PRKDC: variants seen among roughly 807,000 people sequenced by gnomAD.
The protein encoded by PRKDC is DNA-dependent protein kinase catalytic subunit.
In PRKDC, 82 loss-of-function variants were observed where a neutral mutation model predicts 486.9. The ratio of observed to expected loss-of-function variants is 0.17; its 90% CI spans 0.14 to 0.20. The LOEUF is 0.20. Among genes scored for constraint, PRKDC ranks in the 10% least tolerant of loss-of-function variants. The probability of loss-of-function intolerance (pLI) is 1.00; values close to 1 mark genes in which losing one functional copy is unlikely to be tolerated. For missense variants in PRKDC, 4,504 were observed against 5,038.2 expected (o/e 0.89, Z 3.21); for synonymous variants, 1,895 against 1,837.0 (o/e 1.03, Z -0.81).
chr8:47,791,028 C>T (rs1417759358), intron 74 of PRKDC, among the ~76,000 whole-genome samples: 1 of 152,170 alleles, frequency 6.6e-6, no homozygotes, highest in Non-Finnish European at 1.5e-5. Flanking sequence ...TTCAGTAATA[C>T]CCCACAGGCA....
intron 85 of PRKDC, 37 bp downstream of exon 85, chr8:47,776,807 G>C (rs777781897): frequency 2.5e-6 from 4 of 1,610,620 alleles, no homozygotes; most frequent in Admixed American, 3.4e-5. Flanking sequence ...TAGCATGTCG[G>C]TAGTCCGTTA....
chr8:47,887,469 A>G, intron 35 of PRKDC, 78 bp downstream of exon 35: 1 of 1,308,452 alleles, frequency 7.6e-7, no homozygotes, highest in African/African-American at 1.5e-5. Context: ...CAAATTCCAC[A>G]GTTTCTAGAG....
intron 21 of PRKDC, 60 bp downstream of exon 21, chr8:47,927,134 T>C: frequency 1.3e-6 from 2 of 1,518,428 alleles, no homozygotes; most frequent in East Asian, 2.3e-5. Flanking sequence ...GTCCTACCTA[T>C]TATAGTTACT....
At chr8:47,899,968 C>T (rs1038506548) in intron 28 of PRKDC, among the ~76,000 whole-genome samples, 1 of 152,226 alleles carries the variant, frequency 6.6e-6, no homozygotes, top group Non-Finnish European at 1.5e-5. Context: ...CCACTTTCTA[C>T]TTTCTAAATG....
intron 14 of PRKDC, 41 bp downstream of exon 14, chr8:47,934,968 G>T: frequency 7.1e-7 from 1 of 1,415,780 alleles, no homozygotes. Flanking sequence ...AGCTTTCAGT[G>T]ATAACAGATT....
At chr8:47,951,720 AAAAGG>A (rs1217153758) in intron 7 of PRKDC, among the ~76,000 whole-genome samples, 1 of 70,470 alleles carries the variant, frequency 1.4e-5, no homozygotes, top group Admixed American at 1.3e-4. Flanking sequence ...TCTCCAAAAA[AAAAGG>A]AAAGAAAGAA....
chr8:47,879,536 A>G lies in PRKDC; in HGVS notation c.5190T>C (p.Pro1730=), dbSNP rs2154501396. Residue 1730 remains proline (P), a synonymous_variant, in exon 39 of 86, where the codon CCT becomes CCC. Coordinates refer to ENST00000314191, the MANE Select transcript of PRKDC (RefSeq NM_006904.7). ...AATTATTGAACCGCGGAGTTCCTGG[A>G]GGAAATTCCCTGGACTGCATGGGGA... ...AHFPMQSREF[P]PGTPRFNNYV... 6.3e-7 allele frequency: 1 copy of G among 1,598,938 alleles called. No homozygotes were observed. The highest frequency in any genetic ancestry group is 1.1e-5 in the South Asian group (1 of 88,142).
At chr8:47,865,545 CTA>C (rs1348878485) in intron 40 of PRKDC, among the ~76,000 whole-genome samples, 1 of 152,014 alleles carries the variant, frequency 6.6e-6, no homozygotes, top group Non-Finnish European at 1.5e-5. Flanking sequence ...AAAGTTTTGT[CTA>C]TAAATCTATA....
chr8:47,798,442 ATATCCATAAAC>A, intron 72 of PRKDC, 45 bp from the exon 73 acceptor site: 2 of 1,505,044 alleles, frequency 1.3e-6, no homozygotes, highest in Non-Finnish European at 1.8e-6. Context: ...ATGTATCCCA[ATATCCATAAAC>A]TATGATGTTA....
In PRKDC at chr8:47,777,772, G is replaced by A. The variant is rs2086630732; in HGVS notation, c.11956C>T (p.His3986Tyr). 4 of 1,613,946 alleles carry A rather than the reference G, an allele frequency of 2.5e-6. 1 individual carries two copies. The Middle Eastern group carries it at 4.9e-4, about 200-fold the overall frequency. ...ETGLMYSIMV[H>Y]ALRAFRSDPG... ...TCTGAGCGGAAGGCCCGGAGTGCGTGTACCATGATGCTGTACATAAGGCCC... is the reference window on the plus strand; with the variant it reads ...TCTGAGCGGAAGGCCCGGAGTGCGTATACCATGATGCTGTACATAAGGCCC... Residue 3986 changes from histidine to tyrosine, a missense_variant, in exon 84 of 86, where the codon CAC (histidine) becomes TAC (tyrosine). Physicochemically the swap from His to Tyr is moderately conservative, Grantham distance 83. This residue lies in a region of PRKDC where 706 missense variants were observed against 945.0 expected (regional missense o/e 0.75). Transcript: ENST00000314191.
At chr8:47,863,357 A>G in intron 42 of PRKDC, 42 bp downstream of exon 42, 1 of 1,464,850 alleles carries the variant, frequency 6.8e-7, no homozygotes, top group East Asian at 2.3e-5. Context: ...TACCCAAAGC[A>G]TTGATAAATA....
intron 1 of PRKDC, 99 bp downstream of exon 1, chr8:47,959,874 A>G: frequency 6.8e-7 from 1 of 1,473,640 alleles, no homozygotes; most frequent in Non-Finnish European, 9.0e-7. Context: ...GTACTTCAAA[A>G]TACCGTCATC....
At chr8:47,800,093 C>T (rs2087069039) in intron 71 of PRKDC, among the ~76,000 whole-genome samples, 1 of 151,928 alleles carries the variant, frequency 6.6e-6, no homozygotes, top group Non-Finnish European at 1.5e-5. Flanking sequence ...GCTGTGCGTG[C>T]CATCCCATTA....
At position 47,877,710 on chromosome 8, in the gene PRKDC, C is replaced by G; in HGVS notation, c.5363+14G>C. On this transcript the variant is annotated intron_variant, in intron 40 of 85. Coordinates refer to ENST00000314191, the MANE Select transcript of PRKDC (RefSeq NM_006904.7). ...TGCGTATGGTTCCTGAGATCCCAGG[C>G]CAGAATGACTTACCTTCTGGCAATC... The G allele has an allele frequency of 6.4e-7, 1 of 1,569,012 alleles. No individual in the cohort carries two copies. Among genetic ancestry groups the G allele is most frequent in the South Asian group, 1.2e-5 (1 of 82,238 alleles).
intron 14 of PRKDC, 114 bp downstream of exon 14, chr8:47,934,895 A>T: frequency 1.4e-6 from 1 of 724,888 alleles, no homozygotes; most frequent in Non-Finnish European, 2.3e-6. Context: ...AGGCATTGCT[A>T]ATAACTAAGA....
chr8:47,942,339 A>C (rs368493101), intron 10 of PRKDC, among the ~76,000 whole-genome samples: 1 of 152,354 alleles, frequency 6.6e-6, no homozygotes, highest in East Asian at 1.9e-4. Context: ...GGGAAGGCCA[A>C]GTACAGCAGG....
At position 47,834,299 on chromosome 8, in the gene PRKDC, C is replaced by T. The variant is rs2087956090; in HGVS notation, c.8049G>A (p.Lys2683=). ...GTGCTCTCTGTAACCTTTCACTCCT[C>T]TTGTGGGCAAACAGCAAGGAGTCAG... ...PSSDSLLFAH[K]RSERLQRAPL... is the part of the protein sequence containing the mutation. Residue 2683 remains lysine (K), a synonymous_variant, in exon 59 of 86, where the codon AAG becomes AAA. Coordinates refer to ENST00000314191, the MANE Select transcript of PRKDC (RefSeq NM_006904.7). 6.2e-7 allele frequency: 1 copy of T among 1,614,038 alleles called. No homozygotes were observed. The highest frequency in any genetic ancestry group is 8.5e-7 in the Non-Finnish European group (1 of 1,179,898).
intron 25 of PRKDC, among the ~76,000 whole-genome samples, chr8:47,910,823 T>A (rs551810132): frequency 4.0e-4 from 56 of 141,412 alleles, no homozygotes; most frequent in Non-Finnish European, 3.7e-4. Context: ...CATTGAAGTT[T>A]ATTCCTAGAC....
chr8:47,920,114 T>C (rs1589793176), intron 21 of PRKDC, among the ~76,000 whole-genome samples: 1 of 152,244 alleles, frequency 6.6e-6, no homozygotes, highest in African/African-American at 2.4e-5. Flanking sequence ...CTATAATCTA[T>C]AGAAACGATG....
Sources: allele counts gnomAD v4.1 joint callset (sites outside exome capture counted in the v4.1 genomes callset), GRCh38; gene constraint gnomAD v4.1.1; regional missense constraint gnomAD v4.1.1; transcripts MANE v1.5; gene names NCBI Gene and HGNC (gene_info 2026-07-23, HGNC 2026-07-21).